Variants in PTPRD observed in about 807,000 individuals in gnomAD.
PTPRD encodes receptor-type tyrosine-protein phosphatase delta.
PTPRD carries 34 observed loss-of-function variants against 214.5 expected under a neutral mutation model. The ratio of observed to expected loss-of-function variants is 0.16; its 90% confidence interval spans 0.12 to 0.21. PTPRD has a LOEUF of 0.21. Among genes scored for constraint, PTPRD ranks in the 10% least tolerant of loss-of-function variants. PTPRD has a pLI of 1.00. For missense variants in PTPRD, 2,545 were observed against 2,398.7 expected (o/e 1.06, Z -1.27); for synonymous variants, 1,128 against 845.7 (o/e 1.33, Z -5.79).
chr9:10,503,722 C>G (rs1388056065), intron 2 of PTPRD, among the ~76,000 whole-genome samples: 2 of 151,848 alleles, frequency 1.3e-5, no homozygotes, highest in African/African-American at 4.8e-5. Flanking sequence ...AATGAATAGA[C>G]TATATGGTGG....
chr9:8,701,095 A>C (rs192813457), intron 12 of PTPRD, among the ~76,000 whole-genome samples: 3 of 152,156 alleles, frequency 2.0e-5, no homozygotes, highest in Non-Finnish European at 2.9e-5. Flanking sequence ...CGGGAGGTGG[A>C]GGTTACAGTG....
chr9:10,388,713 C>T (rs1233673632), intron 2 of PTPRD, among the ~76,000 whole-genome samples: 1 of 151,880 alleles, frequency 6.6e-6, no homozygotes, highest in African/African-American at 2.4e-5. Flanking sequence ...CTATTGATCA[C>T]TGTGACCTTA....
chr9:8,753,454 C>T (rs1025739520), intron 11 of PTPRD, among the ~76,000 whole-genome samples: 15 of 152,182 alleles, frequency 9.9e-5, no homozygotes, highest in African/African-American at 3.6e-4. Context: ...AAAGTTTTCA[C>T]TCAAGCTTCT....
At chr9:10,423,583 C>T (rs764732134) in intron 2 of PTPRD, among the ~76,000 whole-genome samples, 2 of 151,832 alleles carry the variant, frequency 1.3e-5, no homozygotes, top group Non-Finnish European at 2.9e-5. Flanking sequence ...CGAGACAGTG[C>T]CAGTGGCATT....
intron 9 of PTPRD, among the ~76,000 whole-genome samples, chr9:9,284,220 G>C (rs547004958): frequency 6.6e-6 from 1 of 151,664 alleles, no homozygotes; most frequent in Admixed American, 6.6e-5. Context: ...CCCTACAGCT[G>C]GGGTTACACT....
intron 11 of PTPRD, among the ~76,000 whole-genome samples, chr9:9,012,444 G>A (rs1344216397): frequency 2.0e-5 from 3 of 152,150 alleles, no homozygotes; most frequent in Non-Finnish European, 4.4e-5. Flanking sequence ...CATAAGCCAA[G>A]CATTATTCAC....
intron 34 of PTPRD, among the ~76,000 whole-genome samples, chr9:8,440,805 C>T (rs2095522917): frequency 6.6e-6 from 1 of 152,062 alleles, no homozygotes; most frequent in Admixed American, 6.5e-5. Context: ...CGGTGACTTC[C>T]TTATAAGAAG....
At chr9:8,608,132 TA>T (rs5896250) in intron 14 of PTPRD, among the ~76,000 whole-genome samples, 1 of 151,604 alleles carries the variant, frequency 6.6e-6, no homozygotes, top group Non-Finnish European at 1.5e-5. Context: ...TTTTTTTTTT[TA>T]ATCTAGACTT....
chr9:8,703,067 G>A (rs996365506), intron 12 of PTPRD, among the ~76,000 whole-genome samples: 1 of 152,098 alleles, frequency 6.6e-6, no homozygotes, highest in Non-Finnish European at 1.5e-5. Flanking sequence ...ACCATAAAAG[G>A]GTTCCATCAA....
chr9:9,724,429 G>C (rs536882126), intron 7 of PTPRD, among the ~76,000 whole-genome samples: 1 of 152,044 alleles, frequency 6.6e-6, no homozygotes, highest in African/African-American at 2.4e-5. Context: ...TACGTCACTT[G>C]TACTTTCTTT....
At chr9:9,389,044 T>C (rs1285048406) in intron 9 of PTPRD, among the ~76,000 whole-genome samples, 1 of 152,214 alleles carries the variant, frequency 6.6e-6, no homozygotes. Flanking sequence ...GGCAAGTAAC[T>C]AAACTTTTTC....
chr9:8,832,863 C>A (rs2097327139), intron 11 of PTPRD, among the ~76,000 whole-genome samples: 1 of 151,874 alleles, frequency 6.6e-6, no homozygotes, highest in African/African-American at 2.4e-5. Context: ...TAAACGCATA[C>A]CCCCAAAGAA....
At chr9:8,605,279 G>A (rs1392952924) in intron 14 of PTPRD, among the ~76,000 whole-genome samples, 2 of 152,214 alleles carry the variant, frequency 1.3e-5, no homozygotes, top group Non-Finnish European at 2.9e-5. Flanking sequence ...AGCTGCAAGT[G>A]CTAAGCATAA....
chr9:8,833,715 TAC>T (rs1177957119), intron 11 of PTPRD, among the ~76,000 whole-genome samples: 1,707 of 133,644 alleles, frequency 0.013, 26 homozygotes, highest in African/African-American at 0.038. Flanking sequence ...TATATATATA[TAC>T]ACACACACAC....
intron 3 of PTPRD, among the ~76,000 whole-genome samples, chr9:10,124,460 G>C (rs1364314911): frequency 6.6e-6 from 1 of 152,068 alleles, no homozygotes; most frequent in Non-Finnish European, 1.5e-5. Flanking sequence ...TTTCACCTCA[G>C]TTTGGCCACA....
chr9:8,425,872 G>A (rs77003378), intron 35 of PTPRD, among the ~76,000 whole-genome samples: 190 of 152,080 alleles, frequency 1.2e-3, no homozygotes, highest in African/African-American at 4.0e-3. Flanking sequence ...GTTTCCATTC[G>A]TCAGTGAAAA....
At chr9:9,302,364 A>G (rs1208055274) in intron 9 of PTPRD, among the ~76,000 whole-genome samples, 2 of 151,930 alleles carry the variant, frequency 1.3e-5, no homozygotes, top group African/African-American at 4.8e-5. Context: ...TGTTATTGAT[A>G]GGCAGCTCTC....
chr9:8,807,719 A>G (rs1170370577), intron 11 of PTPRD, among the ~76,000 whole-genome samples: 1 of 151,912 alleles, frequency 6.6e-6, no homozygotes, highest in African/African-American at 2.4e-5. Context: ...AACGTCTTTC[A>G]TGGTTATTCA....
intron 3 of PTPRD, among the ~76,000 whole-genome samples, chr9:10,161,054 G>A (rs1295172873): frequency 1.3e-5 from 2 of 151,784 alleles, no homozygotes; most frequent in East Asian, 3.9e-4. Context: ...AAATACTGAT[G>A]AAAGAAATTG....
Sources: allele counts gnomAD v4.1 joint callset (sites outside exome capture counted in the v4.1 genomes callset), GRCh38; gene constraint gnomAD v4.1.1; transcripts MANE v1.5; gene names NCBI Gene and HGNC (gene_info 2026-07-23, HGNC 2026-07-21).